Variants in DNM3 observed in about 807,000 individuals in gnomAD.
DNM3 encodes dynamin 3.
A neutral mutation model predicts 101.6 loss-of-function variants in DNM3; 47 were observed. The ratio of observed to expected loss-of-function variants is 0.46; its 90% CI spans 0.37 to 0.59. DNM3 has a LOEUF of 0.59. Ranked by LOEUF, DNM3 falls within the 20% of genes least tolerant of loss-of-function variation. The probability of loss-of-function intolerance (pLI) is 0.00; values close to 1 mark genes in which losing one functional copy is unlikely to be tolerated. For synonymous variants in DNM3, 385 were observed against 387.9 expected (o/e 0.99, Z 0.09); for missense variants, 849 against 1,085.7 (o/e 0.78, Z 3.06).
chr1:172,222,064 A>G (rs1051625387), intron 14 of DNM3, among the ~76,000 whole-genome samples: 1 of 152,146 alleles, frequency 6.6e-6, no homozygotes, highest in African/African-American at 2.4e-5. Flanking sequence ...GGAAAGTCAG[A>G]GATAGTAATG....
intron 14 of DNM3, among the ~76,000 whole-genome samples, chr1:172,195,667 C>T (rs375630114): frequency 2.0e-5 from 3 of 151,752 alleles, no homozygotes; most frequent in East Asian, 3.9e-4. Context: ...CTGCATCTAT[C>T]GATATGATAG....
At chr1:171,885,650 C>CAG (rs1216208268) in intron 1 of DNM3, among the ~76,000 whole-genome samples, 6 of 152,156 alleles carry the variant, frequency 3.9e-5, no homozygotes, top group Non-Finnish European at 5.9e-5. Context: ...AAAGATGTGA[C>CAG]AGGGGATATG....
intron 2 of DNM3, among the ~76,000 whole-genome samples, chr1:171,958,253 C>T (rs975386267): frequency 5.9e-5 from 9 of 152,202 alleles, no homozygotes; most frequent in African/African-American, 1.7e-4. Flanking sequence ...AATGATCTCC[C>T]ACTGGGTCCC....
At chr1:172,263,756 G>A (rs112221788) in intron 15 of DNM3, among the ~76,000 whole-genome samples, 1 of 152,098 alleles carries the variant, frequency 6.6e-6, no homozygotes, top group Non-Finnish European at 1.5e-5. Context: ...ATTTATGGGA[G>A]CTACAATTCA....
At chr1:172,358,458 G>A (rs956453254) in intron 17 of DNM3, among the ~76,000 whole-genome samples, 1 of 152,160 alleles carries the variant, frequency 6.6e-6, no homozygotes, top group Admixed American at 6.6e-5. Flanking sequence ...GAGATGAGCT[G>A]TTGTTGCCAA....
At chr1:172,194,714 G>A (rs937770960) in intron 14 of DNM3, among the ~76,000 whole-genome samples, 15 of 151,746 alleles carry the variant, frequency 9.9e-5, no homozygotes, top group Non-Finnish European at 5.9e-5. Context: ...CATTTGCTTG[G>A]TAGATCTTCC....
At chr1:172,247,691 A>ATTTATTTATTTG (rs1211039201) in intron 14 of DNM3, among the ~76,000 whole-genome samples, 2 of 150,332 alleles carry the variant, frequency 1.3e-5, no homozygotes, top group African/African-American at 2.4e-5. Flanking sequence ...TTATTTATTT[A>ATTTATTTATTTG]TTTGTTTATT....
chr1:172,252,546 C>G (rs1378265532), intron 14 of DNM3, among the ~76,000 whole-genome samples: 1 of 152,106 alleles, frequency 6.6e-6, no homozygotes, highest in African/African-American at 2.4e-5. Context: ...CCATTCTCTC[C>G]AGCTCTGGAC....
At chr1:172,248,394 C>G (rs753228965) in intron 14 of DNM3, among the ~76,000 whole-genome samples, 1 of 152,090 alleles carries the variant, frequency 6.6e-6, no homozygotes, top group African/African-American at 2.4e-5. Flanking sequence ...AATGTAATAA[C>G]TGTTACATGT....
chr1:172,056,215 G>T (rs2050604177), intron 10 of DNM3, among the ~76,000 whole-genome samples: 1 of 152,350 alleles, frequency 6.6e-6, no homozygotes, highest in Non-Finnish European at 1.5e-5. Flanking sequence ...CTCGCTGATT[G>T]CTAGCACAGC....
At chr1:172,390,386 T>C (rs1332829987) in intron 20 of DNM3, among the ~76,000 whole-genome samples, 4 of 152,208 alleles carry the variant, frequency 2.6e-5, no homozygotes, top group Non-Finnish European at 1.5e-5. Context: ...TGGACTTTAA[T>C]CCCATGCAGT....
chr1:172,017,461 T>A (rs564816442), intron 4 of DNM3, among the ~76,000 whole-genome samples: 11 of 152,348 alleles, frequency 7.2e-5, no homozygotes, highest in African/African-American at 2.4e-4. Context: ...ATATGTTATT[T>A]AGAAGTGTAT....
chr1:172,387,641 G>C (rs1289786304), intron 19 of DNM3, among the ~76,000 whole-genome samples: 2 of 151,044 alleles, frequency 1.3e-5, no homozygotes, highest in African/African-American at 2.4e-5. Context: ...CTGGGTGACA[G>C]AGCAAGACTC....
intron 6 of DNM3, among the ~76,000 whole-genome samples, chr1:172,037,064 G>T (rs1378080035): frequency 6.6e-6 from 1 of 152,152 alleles, no homozygotes; most frequent in African/African-American, 2.4e-5. Context: ...GGCCATCAGA[G>T]AAATGCAAAT....
chr1:172,148,071 G>GT, intron 14 of DNM3, among the ~76,000 whole-genome samples: 1 of 152,170 alleles, frequency 6.6e-6, no homozygotes, highest in East Asian at 1.9e-4. Context: ...GAAAAACTCA[G>GT]TTTTTTTCTG....
intron 14 of DNM3, among the ~76,000 whole-genome samples, chr1:172,241,904 G>T (rs558196569): frequency 6.6e-6 from 1 of 152,272 alleles, no homozygotes; most frequent in African/African-American, 2.4e-5. Flanking sequence ...AAGGGTGAGA[G>T]GATTTTGAAT....
chr1:172,389,847 A>T (rs1449474771), intron 20 of DNM3, among the ~76,000 whole-genome samples: 1 of 152,174 alleles, frequency 6.6e-6, no homozygotes, highest in Non-Finnish European at 1.5e-5. Context: ...AGAAGAGAAG[A>T]AGGGGGATCT....
intron 11 of DNM3, among the ~76,000 whole-genome samples, chr1:172,073,292 CAT>C (rs2052364044): frequency 2.3e-5 from 3 of 132,434 alleles, no homozygotes; most frequent in East Asian, 2.0e-4. Context: ...TATATATACA[CAT>C]ATAAGTATAT....
chr1:171,843,166 A>G (rs1314186891), intron 1 of DNM3, among the ~76,000 whole-genome samples: 1 of 152,148 alleles, frequency 6.6e-6, no homozygotes, highest in Admixed American at 6.5e-5. Context: ...CATCTCTCAG[A>G]TGATATTTTT....
Sources: gnomAD v4.1 joint callset for allele counts (sites outside exome capture counted in the v4.1 genomes callset) on GRCh38, gnomAD v4.1.1 for gene constraint, MANE v1.5 for transcripts, NCBI Gene and HGNC (gene_info 2026-07-23, HGNC 2026-07-21) for gene names.